The following NTN5 variants were observed in gnomAD, a reference collection of about 807,000 sequenced individuals.
The protein encoded by NTN5 is netrin-5.
Under a neutral mutation model 38.7 loss-of-function variants are expected in NTN5, and 42 were observed. That is an observed-to-expected ratio of 1.08 (90% CI 0.85 to 1.40). The LOEUF (loss-of-function observed/expected upper bound fraction) is 1.40. Among genes scored for constraint, NTN5 ranks in the 40% most tolerant of loss-of-function variants. The probability of loss-of-function intolerance (pLI) is 0.00; values close to 1 mark genes in which losing one functional copy is unlikely to be tolerated. For missense variants in NTN5, 658 were observed against 716.5 expected, an observed-to-expected ratio of 0.92 and a Z score of 0.93; for synonymous variants, 329 against 303.9, an observed-to-expected ratio of 1.08 and a Z score of -0.86.
In NTN5 at chr19:48,664,165, G is replaced by C; in HGVS notation, c.948C>G (p.Arg316=). 1 of 1,608,554 alleles carries C rather than the reference G, an allele frequency of 6.2e-7. No individual in the cohort carries two copies. Among genetic ancestry groups the C allele is most frequent in the Non-Finnish European group, 8.5e-7 (1 of 1,177,818 alleles). ...NRCGPGYQQS[R]SPRMPCQRIP... ...TACGCTGGCAGGGCATCCTGGGGGAGCGGCTCTGCTGGTAGCCAGGGCCAC... is the reference window on the plus strand; with the variant it reads ...TACGCTGGCAGGGCATCCTGGGGGACCGGCTCTGCTGGTAGCCAGGGCCAC... Residue 316 remains arginine, a synonymous_variant, in exon 4 of 7, where the codon CGC becomes CGG. Transcript: ENST00000270235.
chr19:48,665,691 C>T (rs868710898), intron 2 of NTN5, among the ~76,000 whole-genome samples: 8 of 149,910 alleles, frequency 5.3e-5, no homozygotes, highest in Admixed American at 4.0e-4. Context: ...TGGTGGCACG[C>T]GCCTGTAATC....
At chr19:48,669,999 CCATCACCACCAT>C (rs1326955686) in intron 2 of NTN5, among the ~76,000 whole-genome samples, 8 of 138,986 alleles carry the variant, frequency 5.8e-5, no homozygotes, top group East Asian at 2.6e-4. Context: ...ACCACCATCA[CCATCACCACCAT>C]CATCACCACC....
intron 1 of NTN5, 64 bp from the exon 2 acceptor site, chr19:48,671,070 G>A (rs2031951041): frequency 1.5e-6 from 2 of 1,306,264 alleles, no homozygotes; most frequent in African/African-American, 3.0e-5. Context: ...TCCTGGAGGT[G>A]TCCTGTGGAA....
intron 1 of NTN5, among the ~76,000 whole-genome samples, chr19:48,672,379 A>C (rs1225780556): frequency 6.6e-6 from 1 of 152,108 alleles, no homozygotes; most frequent in African/African-American, 2.4e-5. Flanking sequence ...CTTGGCTCTG[A>C]ATCTGCGCCC....
At position 48,669,963 on chromosome 19, in the gene NTN5, T is replaced by TCAC. The variant is rs1169277586; in HGVS notation, c.631+390_631+392dup. On this transcript the variant is annotated intron_variant, in intron 2 of 6. Transcript: ENST00000270235. ...ATCACCATCACCACCACCATCACCA[T>TCAC]CACCACCATCATCACCATCATCACC... is the stretch of plus-strand genomic sequence containing the variant. Among the ~76,000 whole-genome samples the TCAC allele has an allele frequency of 1.4e-3, 16 of 11,366 alleles. 2 individuals carry two copies. The highest frequency in any genetic ancestry group is 3.1e-3 in the East Asian group (1 of 318). 7.5% of individuals were successfully genotyped at this position (11,366 alleles called of 152,430 possible). A position where few individuals can be genotyped will look rare whatever the true frequency, so the allele number is the denominator to read the frequency against.
chr19:48,664,037 C>G (rs1023962207), intron 4 of NTN5, 106 bp downstream of exon 4: 2 of 1,382,832 alleles, frequency 1.4e-6, no homozygotes, highest in Non-Finnish European at 1.9e-6. Context: ...CAGCCTTGGG[C>G]TCCCAATTCC....
intron 5 of NTN5, 78 bp downstream of exon 5, chr19:48,663,683 T>A: frequency 6.6e-7 from 1 of 1,522,314 alleles, no homozygotes; most frequent in Non-Finnish European, 9.1e-7. Flanking sequence ...GTGACCCATG[T>A]ATCCCCATCT....
At position 48,663,479 on chromosome 19, in the gene NTN5, G is replaced by A. The variant is rs563913217; in HGVS notation, c.1089C>T (p.Tyr363=). The change falls in exon 6 of 7, where the codon TAC becomes TAT. Residue 363 remains tyrosine, a synonymous_variant. Transcript: ENST00000270235. Reference sequence around the variant, plus strand: ...AGCACTCACCATGGTCCTGCTGGCAGTACCTCCGAAGGCTCATGTGTACCC... The same window carrying A: ...AGCACTCACCATGGTCCTGCTGGCAATACCTCCGAAGGCTCATGTGTACCC... The part of the protein sequence containing the change: ...DTRVHMSLRR[Y]CQQDHVLRAQ... 63 of 1,614,108 alleles carry A rather than the reference G, an allele frequency of 3.9e-5. No homozygotes were observed. In the South Asian group the frequency reaches 6.7e-4, roughly 17 times the overall value.
intron 3 of NTN5, 47 bp downstream of exon 3, chr19:48,664,532 C>T: frequency 1.3e-6 from 2 of 1,519,032 alleles, no homozygotes; most frequent in Non-Finnish European, 1.8e-6. Context: ...CCCAGGAGTC[C>T]AGCCCTACCT....
chr19:48,671,861 G>A (rs538857227), intron 1 of NTN5, among the ~76,000 whole-genome samples: 349 of 18,906 alleles, frequency 0.018, 3 homozygotes, highest in African/African-American at 0.068. Flanking sequence ...TTTCCCACCC[G>A]AGTGCAAAGC....
At chr19:48,663,393 G>A in intron 6 of NTN5, 70 bp downstream of exon 6, 2 of 1,320,872 alleles carry the variant, frequency 1.5e-6, no homozygotes, top group Admixed American at 1.7e-5. Context: ...AGGCCAGAAA[G>A]GGGGTGGCTT....
intron 6 of NTN5, 38 bp from the exon 7 acceptor site, chr19:48,662,079 G>A: frequency 7.1e-7 from 1 of 1,413,326 alleles, no homozygotes; most frequent in Non-Finnish European, 9.2e-7. Context: ...GTCGTGGGGA[G>A]CTTCCAGGGT....
At chr19:48,662,073 T>TG (rs2031564979) in intron 6 of NTN5, 32 bp from the exon 7 acceptor site, 1 of 1,418,996 alleles carries the variant, frequency 7.0e-7, no homozygotes, top group Admixed American at 3.1e-5. Flanking sequence ...GCCCAGGTCG[T>TG]GGGGAGCTTC....
intron 2 of NTN5, among the ~76,000 whole-genome samples, chr19:48,669,742 C>T (rs1419247295): frequency 1.2e-4 from 14 of 115,270 alleles, no homozygotes; most frequent in Non-Finnish European, 1.1e-4. Context: ...ATCACCATCA[C>T]CACCACCATC....
rs1432045488 is a variant in NTN5, at chr19:48,670,730, C to T, written c.257G>A (p.Gly86Glu). ...AGCAGACAGGATGAGGGCTGGGGGT[C>T]CTGGGGTACAGAAGCGCAAGCTGAC... ...TSVSLRFCTP[G>E]PPALILSAAW... The change falls in exon 2 of 7, where the codon GGA (glycine) becomes GAA (glutamate). Residue 86 changes from glycine (G) to glutamate (E), a missense_variant. Physicochemically the swap from Gly to Glu is moderately conservative, Grantham distance 98. Transcript: ENST00000270235. 6.2e-7 allele frequency: 1 copy of T among 1,612,834 alleles called. No homozygotes were observed. The highest frequency in any genetic ancestry group is 1.1e-5 in the South Asian group (1 of 91,054).
At chr19:48,667,932 G>C (rs1006863669) in intron 2 of NTN5, among the ~76,000 whole-genome samples, 6 of 152,112 alleles carry the variant, frequency 3.9e-5, no homozygotes, top group Admixed American at 2.6e-4. Context: ...GGGTACACTT[G>C]CACACGTGTG....
chr19:48,664,582 T>C lies in NTN5; in HGVS notation c.817A>G (p.Arg273Gly). The C allele has an allele frequency of 6.2e-7, 1 of 1,610,754 alleles. No homozygotes were observed. Among genetic ancestry groups the C allele is most frequent in the African/African-American group, 1.3e-5 (1 of 74,996 alleles). ...CCTGTCTGCAGGCCACACTCACCTC[T>C]GCAGGCCCTGCGGCTGAAGATAGGC... ...SQPIFSRRAC[R>G]ACQCHPIGAT... is the part of the protein sequence containing the mutation. Residue 273 changes from arginine (R) to glycine (G), a missense_variant, in exon 3 of 7, where the codon AGA (arginine) becomes GGA (glycine). Arg to Gly is a moderately radical substitution (Grantham distance 125). Coordinates refer to ENST00000270235, the MANE Select transcript of NTN5 (RefSeq NM_145807.4).
Position 48,670,463 on chromosome 19 carries a change from C to T in NTN5, c.524G>A (p.Cys175Tyr). The change falls in exon 2 of 7, where the codon TGC (cysteine) becomes TAC (tyrosine). Residue 175 changes from cysteine (C) to tyrosine (Y), a missense_variant. By Grantham distance (194) the Cys-to-Tyr change is radical. Coordinates refer to ENST00000270235, the MANE Select transcript of NTN5 (RefSeq NM_145807.4). Reference protein sequence around the residue: ...RCAARARPPRCHCRHHTTGPG... With the variant: ...RCAARARPPRYHCRHHTTGPG... ...GCCAGTGGTATGGTGGCGGCAGTGG[C>T]AGCGGGGGGGCCGGGCACGGGCGGC... 6.8e-7 allele frequency: 1 copy of T among 1,477,528 alleles called. No individual in the cohort carries two copies. The allele number at this position is 1,477,528 out of a possible 1,614,324, so 91.5% of individuals were successfully genotyped here. A position where few individuals can be genotyped will look rare whatever the true frequency, so the allele number is the denominator to read the frequency against.
In NTN5 at chr19:48,661,534, G is replaced by C. The variant is rs754654912; in HGVS notation, c.*143C>G. 8.3e-5 allele frequency: 87 copies of C among 1,046,468 alleles called. No individual in the cohort carries two copies. Among genetic ancestry groups the C allele is most frequent in the Non-Finnish European group, 1.0e-4 (80 of 803,514 alleles). 64.8% of individuals were successfully genotyped at this position (1,046,468 alleles called of 1,614,324 possible). A position where few individuals can be genotyped will look rare whatever the true frequency, so the allele number is the denominator to read the frequency against. ...CTTTTGCTAAAAGTTCCGCACGCCT[G>C]CTCGGCGTGGGCGCAAGCATAGTGT... On this transcript the variant is annotated 3_prime_UTR_variant, in exon 7 of 7. Transcript: ENST00000270235.
Sources: gnomAD v4.1 joint callset for allele counts (sites outside exome capture counted in the v4.1 genomes callset) on GRCh38, gnomAD v4.1.1 for gene constraint, MANE v1.5 for transcripts, NCBI Gene and HGNC (gene_info 2026-07-23, HGNC 2026-07-21) for gene names.